RALGAPA2: variants seen among roughly 807,000 people sequenced by gnomAD.
The protein encoded by RALGAPA2 is ral GTPase-activating protein subunit alpha-2.
Under a neutral mutation model 230.4 loss-of-function variants are expected in RALGAPA2, and 139 were observed. The ratio of observed to expected loss-of-function variants is 0.60; its 90% CI spans 0.53 to 0.69. The LOEUF is 0.69. RALGAPA2 is among the 30% of genes least tolerant of loss of function. RALGAPA2 has a pLI of 0.00. For synonymous variants in RALGAPA2, 847 were observed against 837.8 expected (o/e 1.01, Z -0.19); for missense variants, 2,163 against 2,276.0 (o/e 0.95, Z 1.01).
At chr20:20,606,186 C>T (rs1038217510) in intron 14 of RALGAPA2, among the ~76,000 whole-genome samples, 1 of 152,128 alleles carries the variant, frequency 6.6e-6, no homozygotes, top group Admixed American at 6.5e-5. Flanking sequence ...ACTTCTTGAA[C>T]GAATGTTCCA....
chr20:20,538,271 T>C (rs941933262), intron 24 of RALGAPA2, among the ~76,000 whole-genome samples: 7 of 152,114 alleles, frequency 4.6e-5, no homozygotes, highest in African/African-American at 1.7e-4. Context: ...GAGGCAAGGA[T>C]TGGTTCTGCT....
chr20:20,560,047 G>A (rs1049000598), intron 23 of RALGAPA2, among the ~76,000 whole-genome samples: 1 of 152,130 alleles, frequency 6.6e-6, no homozygotes, highest in African/African-American at 2.4e-5. Flanking sequence ...TTGCTGTGAG[G>A]TTCTAAGGCA....
At chr20:20,690,434 AT>A (rs2068860854) in intron 1 of RALGAPA2, among the ~76,000 whole-genome samples, 1 of 152,162 alleles carries the variant, frequency 6.6e-6, no homozygotes, top group South Asian at 2.1e-4. Flanking sequence ...ACATCAGGAG[AT>A]ATCCCATCAG....
chr20:20,582,160 C>CTG (rs2065004207), intron 20 of RALGAPA2, among the ~76,000 whole-genome samples: 2 of 119,486 alleles, frequency 1.7e-5, no homozygotes, highest in Non-Finnish European at 3.6e-5. Flanking sequence ...CAGTGTCACA[C>CTG]AGTGTGTGTG....
chr20:20,536,457 A>ATAT (rs1228118930), intron 25 of RALGAPA2, among the ~76,000 whole-genome samples, 199 bp downstream of exon 25: 1 of 152,380 alleles, frequency 6.6e-6, no homozygotes, highest in Non-Finnish European at 1.5e-5. Context: ...TACAGCTATA[A>ATAT]GGTCTAACTG....
intron 2 of RALGAPA2, among the ~76,000 whole-genome samples, chr20:20,677,310 G>T (rs2068362848): frequency 6.6e-6 from 1 of 152,186 alleles, no homozygotes; most frequent in African/African-American, 2.4e-5. Context: ...TCTGAGAAAA[G>T]ATCCTTTGAG....
At position 20,571,943 on chromosome 20, in the gene RALGAPA2, G is replaced by A. The variant is rs554166784; in HGVS notation, c.2905C>T (p.Arg969Trp). Residue 969 changes from arginine (R) to tryptophan (W), a missense_variant, in exon 22 of 40, where the codon CGG becomes TGG. By Grantham distance (101) the Arg-to-Trp change is moderately radical. Transcript: ENST00000202677. ...YELWYKLAKI[R>W]DNLAISLDNQ... ...TCCAGGCTTATTGCTAGATTATCCC[G>A]TATCTAATTCACAAAGAGGAGAATT... 348 of 1,598,822 alleles carry A rather than the reference G, an allele frequency of 2.2e-4. 2 individuals are homozygous for A. The highest frequency in any genetic ancestry group is 1.9e-3 in the South Asian group (168 of 89,014).
chr20:20,402,429 G>A (rs562644288), intron 38 of RALGAPA2, among the ~76,000 whole-genome samples: 4 of 152,206 alleles, frequency 2.6e-5, no homozygotes, highest in South Asian at 2.1e-4. Flanking sequence ...GGCCATCTGC[G>A]CGATTCTTCA....
rs1289739760 is a variant in RALGAPA2, at chr20:20,524,560, C to A, written c.3763-17G>T. On this transcript the variant is annotated splice_polypyrimidine_tract_variant and intron_variant, in intron 29 of 39. Coordinates refer to ENST00000202677, the MANE Select transcript of RALGAPA2 (RefSeq NM_020343.4). Reference sequence around the variant, plus strand: ...CACAATAAACTGGAAGAAGAACATGCCCGGTAGCTTATGCTGCAGTCTCTT... The same window carrying A: ...CACAATAAACTGGAAGAAGAACATGACCGGTAGCTTATGCTGCAGTCTCTT... 2 of 1,613,580 alleles carry A rather than the reference C, an allele frequency of 1.2e-6. No individual in the cohort carries two copies. Among genetic ancestry groups the A allele is most frequent in the Middle Eastern group, 1.7e-4 (1 of 6,024 alleles).
chr20:20,532,291 C>A (rs553822382), intron 26 of RALGAPA2, among the ~76,000 whole-genome samples: 1 of 152,114 alleles, frequency 6.6e-6, no homozygotes, highest in African/African-American at 2.4e-5. Flanking sequence ...ACTGTTAATT[C>A]TTCTCAACAG....
chr20:20,674,188 A>AAAGAAT (rs142800169), intron 3 of RALGAPA2, among the ~76,000 whole-genome samples: 59 of 146,296 alleles, frequency 4.0e-4, no homozygotes, highest in Middle Eastern at 3.6e-3. Context: ...ACCCTGACTC[A>AAAGAAT]AATAATAATA....
intron 4 of RALGAPA2, among the ~76,000 whole-genome samples, chr20:20,644,207 G>A (rs754873698): frequency 4.9e-4 from 74 of 152,030 alleles, no homozygotes; most frequent in South Asian, 4.1e-4. Context: ...CCTCTAAAAC[G>A]GGATCTTAAC....
chr20:20,470,269 A>G (rs2123373019), intron 37 of RALGAPA2, among the ~76,000 whole-genome samples: 1 of 152,360 alleles, frequency 6.6e-6, no homozygotes, highest in Non-Finnish European at 1.5e-5. Flanking sequence ...TCTTAAACAT[A>G]GCGAACAAAA....
At chr20:20,434,574 T>C (rs1258898158) in intron 37 of RALGAPA2, among the ~76,000 whole-genome samples, 1 of 152,102 alleles carries the variant, frequency 6.6e-6, no homozygotes, top group African/African-American at 2.4e-5. Flanking sequence ...ACGTTCTGCA[T>C]GGGATGTGTT....
chr20:20,674,333 A>C (rs1198600065), intron 3 of RALGAPA2, among the ~76,000 whole-genome samples: 1 of 152,106 alleles, frequency 6.6e-6, no homozygotes, highest in Non-Finnish European at 1.5e-5. Context: ...AAACTTCAAA[A>C]CCCATCTATG....
chr20:20,447,988 C>T lies in RALGAPA2; in HGVS notation c.5495+24841G>A, dbSNP rs149640238. 5.3e-5 allele frequency among the ~76,000 whole-genome samples: 8 copies of T among 152,322 alleles called. No homozygotes were observed. The East Asian group carries it at 1.3e-3, about 26-fold the overall frequency. Reference sequence around the variant, plus strand: ...TTCTTCCAACTCTTAATCCCTTTTGCTTTTATCCTCATGGAACATGGGGTA... The same window carrying T: ...TTCTTCCAACTCTTAATCCCTTTTGTTTTTATCCTCATGGAACATGGGGTA... On this transcript the variant is annotated intron_variant, in intron 37 of 39. Coordinates refer to ENST00000202677, the MANE Select transcript of RALGAPA2 (RefSeq NM_020343.4).
At chr20:20,669,231 T>C (rs2068056454) in intron 3 of RALGAPA2, among the ~76,000 whole-genome samples, 1 of 152,182 alleles carries the variant, frequency 6.6e-6, no homozygotes. Context: ...AACATACATG[T>C]ATAACTCCAA....
At chr20:20,694,714 C>T (rs1208815494) in intron 1 of RALGAPA2, among the ~76,000 whole-genome samples, 5 of 152,128 alleles carry the variant, frequency 3.3e-5, no homozygotes, top group Non-Finnish European at 7.3e-5. Context: ...AAGTCAAAAA[C>T]ACAGTGTTAG....
intron 3 of RALGAPA2, among the ~76,000 whole-genome samples, chr20:20,657,044 C>G (rs1315981801): frequency 6.6e-6 from 1 of 152,114 alleles, no homozygotes; most frequent in Admixed American, 6.5e-5. Context: ...ACTATAGACC[C>G]CAATTTGGTA....
Sources: gnomAD v4.1 joint callset for allele counts (sites outside exome capture counted in the v4.1 genomes callset) on GRCh38, gnomAD v4.1.1 for gene constraint, MANE v1.5 for transcripts, NCBI Gene and HGNC (gene_info 2026-07-23, HGNC 2026-07-21) for gene names.